Variants in TNRC6B observed in about 807,000 individuals in gnomAD.
The protein encoded by TNRC6B is trinucleotide repeat-containing gene 6B protein.
In TNRC6B, 52 loss-of-function variants were observed where a neutral mutation model predicts 203.6. The ratio of observed to expected loss-of-function variants is 0.26; its 90% CI spans 0.20 to 0.32. The LOEUF is 0.32. Ranked by LOEUF, TNRC6B falls within the 10% of genes least tolerant of loss-of-function variation. The probability of loss-of-function intolerance (pLI) is 1.00; values close to 1 mark genes in which losing one functional copy is unlikely to be tolerated. For synonymous variants in TNRC6B, 838 were observed against 845.7 expected (o/e 0.99, Z 0.16); for missense variants, 1,923 against 2,286.2 (o/e 0.84, Z 3.24).
At chr22:40,163,211 A>G (rs1212819767) in intron 4 of TNRC6B, among the ~76,000 whole-genome samples, 1 of 150,720 alleles carries the variant, frequency 6.6e-6, no homozygotes, top group Non-Finnish European at 1.5e-5. Context: ...CTCAGGAATT[A>G]GAGAACAGCC....
chr22:40,109,740 C>T (rs2068316475), intron 1 of TNRC6B, among the ~76,000 whole-genome samples: 1 of 152,186 alleles, frequency 6.6e-6, no homozygotes, highest in Admixed American at 6.5e-5. Flanking sequence ...CCTGTCAGTT[C>T]CAGCTGGAAT....
chr22:40,144,173 T>C (rs939643430), intron 3 of TNRC6B, among the ~76,000 whole-genome samples: 1 of 152,182 alleles, frequency 6.6e-6, no homozygotes, highest in African/African-American at 2.4e-5. Context: ...TTCTAAATAA[T>C]GTTAAACGAA....
intron 1 of TNRC6B, among the ~76,000 whole-genome samples, chr22:40,101,258 C>T (rs1417670252): frequency 6.6e-6 from 1 of 152,180 alleles, no homozygotes; most frequent in East Asian, 1.9e-4. Context: ...TCCCAAAGTG[C>T]TGGGATTACA....
At chr22:40,262,288 G>C (rs2070398864) in intron 4 of TNRC6B, 115 bp downstream of exon 4, 2 of 959,232 alleles carry the variant, frequency 2.1e-6, no homozygotes, top group Admixed American at 7.2e-5. Flanking sequence ...ACTGGGATTA[G>C]TCAAAAGATG....
intron 1 of TNRC6B, among the ~76,000 whole-genome samples, chr22:40,091,352 T>C (rs1203550360): frequency 6.6e-6 from 1 of 152,118 alleles, no homozygotes; most frequent in African/African-American, 2.4e-5. Flanking sequence ...TAGAGCTATA[T>C]AGTAATTTAT....
chr22:40,260,625 CAG>C (rs145771676), intron 3 of TNRC6B, among the ~76,000 whole-genome samples: 10 of 152,230 alleles, frequency 6.6e-5, no homozygotes, highest in East Asian at 1.9e-4. Context: ...AAAGTTTACT[CAG>C]GGGTAGATCT....
chr22:40,125,788 T>C (rs776005677), exon 3 of TNRC6B: 34 of 1,603,594 alleles, frequency 2.1e-5, no homozygotes, highest in African/African-American at 4.0e-5. Flanking sequence ...TTTTTGTGTT[T>C]CTGCAGAGTT....
intron 2 of TNRC6B, among the ~76,000 whole-genome samples, chr22:40,118,072 G>T (rs2068407424): frequency 6.6e-6 from 1 of 152,060 alleles, no homozygotes; most frequent in African/African-American, 2.4e-5. Context: ...TCCAGGGTAG[G>T]ATTGCTAATA....
chr22:40,285,769 A>G lies in TNRC6B; in HGVS notation c.3707A>G (p.Gln1236Arg). Residue 1236 changes from glutamine to arginine, a missense_variant and splice_region_variant, in exon 12 of 23, where the codon CAG (glutamine) becomes CGG (arginine). This residue lies in a region of TNRC6B where 242 missense variants were observed against 399.5 expected (regional missense o/e 0.61). Coordinates refer to ENST00000454349, the MANE Select transcript of TNRC6B (RefSeq NM_001162501.2). ...AQVPPQFISP[Q>R]VSASMLKQFP... is the part of the protein sequence containing the mutation. ...GTGCCTCCCCAGTTTATTTCCCCCC[A>G]GGTAAGCAATTTTACGTTCCTGTGA... 6.2e-7 allele frequency: 1 copy of G among 1,613,036 alleles called. No individual in the cohort carries two copies. Among genetic ancestry groups the G allele is most frequent in the African/African-American group, 1.3e-5 (1 of 74,964 alleles).
rs372345954 is a variant in TNRC6B at position 40,326,562 on chromosome 22, T to C, written c.*3321T>C. The C allele has an allele frequency of 6.6e-6, 1 of 152,578 alleles. No homozygotes were observed. The highest frequency in any genetic ancestry group is 1.5e-5 in the Non-Finnish European group (1 of 68,032). 9.5% of individuals were successfully genotyped at this position (152,578 alleles called of 1,614,324 possible). On this transcript the variant is annotated 3_prime_UTR_variant, in exon 23 of 23. Transcript: ENST00000454349. ...ATGCCATCACTTTGTTCCTTTCCATTTGAGACTGAACTGAAATCTCCCCTA... is the reference window on the plus strand; with the variant it reads ...ATGCCATCACTTTGTTCCTTTCCATCTGAGACTGAACTGAAATCTCCCCTA...
intron 1 of TNRC6B, among the ~76,000 whole-genome samples, chr22:40,047,657 A>T (rs2067702832): frequency 6.6e-6 from 1 of 152,234 alleles, no homozygotes; most frequent in African/African-American, 2.4e-5. Context: ...AGAAATTAAT[A>T]ACATTTTTGC....
chr22:40,322,581 AT>A (rs1451687454), intron 22 of TNRC6B, among the ~76,000 whole-genome samples: 1 of 152,220 alleles, frequency 6.6e-6, no homozygotes, highest in African/African-American at 2.4e-5. Flanking sequence ...AGAATATAGT[AT>A]TCTCTAGTAG....
At chr22:40,086,328 T>C (rs1314204267) in intron 1 of TNRC6B, among the ~76,000 whole-genome samples, 1 of 152,228 alleles carries the variant, frequency 6.6e-6, no homozygotes, top group African/African-American at 2.4e-5. Flanking sequence ...TCTTAAAATA[T>C]ACTTATTTCA....
intron 1 of TNRC6B, among the ~76,000 whole-genome samples, chr22:40,072,351 G>A (rs1569250573): frequency 2.0e-5 from 3 of 152,260 alleles, no homozygotes; most frequent in East Asian, 1.9e-4. Flanking sequence ...TTGTTCTCAA[G>A]GTAAGCATGT....
At chr22:40,188,703 G>C (rs1413818222) in intron 1 of TNRC6B, among the ~76,000 whole-genome samples, 1 of 152,160 alleles carries the variant, frequency 6.6e-6, no homozygotes, top group Non-Finnish European at 1.5e-5. Flanking sequence ...ACTGAAGTTA[G>C]TTAGATAATT....
rs2146563441 is a variant in TNRC6B, at chr22:40,311,066, T to G, written c.4435+73T>G. 2.1e-6 allele frequency: 3 copies of G among 1,452,986 alleles called. No individual in the cohort carries two copies. The South Asian group carries it at 3.9e-5, about 19-fold the overall frequency. The allele number at this position is 1,452,986 out of a possible 1,614,324, so 90.0% of individuals were successfully genotyped here. A position where few individuals can be genotyped will look rare whatever the true frequency, so the allele number is the denominator to read the frequency against. ...TGTCAGTTTCAGGTTCAGAATACAT[T>G]GCTTTTGTGATTCATGTTACTAAGG... On this transcript the variant is annotated intron_variant, in intron 17 of 22. Transcript: ENST00000454349.
At chr22:40,126,973 G>A (rs2068499307) in intron 3 of TNRC6B, among the ~76,000 whole-genome samples, 1 of 150,080 alleles carries the variant, frequency 6.7e-6, no homozygotes, top group Admixed American at 6.6e-5. Context: ...TAGAGCCTAA[G>A]GAGTGTTATC....
intron 20 of TNRC6B, 56 bp downstream of exon 20, chr22:40,315,563 A>C (rs923725398): frequency 7.1e-6 from 11 of 1,558,564 alleles, no homozygotes; most frequent in Non-Finnish European, 9.7e-6. Flanking sequence ...GGCTTATGTT[A>C]ACACAGATGG....
chr22:40,296,694 C>T (rs2070948930), intron 12 of TNRC6B, among the ~76,000 whole-genome samples: 1 of 150,674 alleles, frequency 6.6e-6, no homozygotes, highest in Non-Finnish European at 1.5e-5. Context: ...GTGGCACGAT[C>T]TTTGCTTGCT....
Sources: gnomAD v4.1 joint callset for allele counts (sites outside exome capture counted in the v4.1 genomes callset) on GRCh38, gnomAD v4.1.1 for gene constraint, gnomAD v4.1.1 regional missense constraint, MANE v1.5 for transcripts, NCBI Gene and HGNC (gene_info 2026-07-23, HGNC 2026-07-21) for gene names.